CSMD2: variants seen among roughly 807,000 people sequenced by gnomAD.
The protein encoded by CSMD2 is CUB and sushi domain-containing protein 2.
CSMD2 carries 130 observed loss-of-function variants against 398.5 expected under a neutral mutation model. The ratio of observed to expected loss-of-function variants is 0.33; its 90% confidence interval spans 0.28 to 0.38. CSMD2 has a LOEUF of 0.38. Ranked by LOEUF, CSMD2 falls within the 10% of genes least tolerant of loss-of-function variation. The probability of loss-of-function intolerance (pLI) is 1.00; values close to 1 mark genes in which losing one functional copy is unlikely to be tolerated. For missense variants in CSMD2, 3,829 were observed against 4,764.9 expected, an observed-to-expected ratio of 0.80 and a Z score of 5.78; for synonymous variants, 1,828 against 1,908.5, an observed-to-expected ratio of 0.96 and a Z score of 1.10.
At chr1:33,615,240 C>T (rs1386016479) in intron 39 of CSMD2, among the ~76,000 whole-genome samples, 1 of 152,198 alleles carries the variant, frequency 6.6e-6, no homozygotes, top group South Asian at 2.1e-4. Context: ...ATATGCCAAT[C>T]AAGGTGAATT....
intron 1 of CSMD2, among the ~76,000 whole-genome samples, chr1:34,101,540 T>G (rs904344245): frequency 2.7e-4 from 41 of 152,320 alleles, no homozygotes; most frequent in African/African-American, 8.7e-4. Flanking sequence ...TTGCCAACCT[T>G]GTGTATTGTC....
intron 49 of CSMD2, among the ~76,000 whole-genome samples, chr1:33,573,186 A>G (rs115700393): frequency 0.012 from 1,781 of 152,264 alleles, 31 homozygotes; most frequent in African/African-American, 0.041. Flanking sequence ...CACATACTCA[A>G]CTCAACCTCT....
At chr1:33,812,732 T>A (rs1233388695) in intron 9 of CSMD2, among the ~76,000 whole-genome samples, 1 of 152,214 alleles carries the variant, frequency 6.6e-6, no homozygotes, top group African/African-American at 2.4e-5. Context: ...GATGAAATTA[T>A]ATGAGATGAT....
chr1:33,572,712 T>A, intron 49 of CSMD2, 21 bp from the exon 50 acceptor site: 1 of 1,576,438 alleles, frequency 6.3e-7, no homozygotes. Context: ...GAAAACAATG[T>A]CATGAGCATT....
intron 2 of CSMD2, among the ~76,000 whole-genome samples, chr1:34,065,772 C>T (rs1015233984): frequency 6.6e-6 from 1 of 152,168 alleles, no homozygotes; most frequent in African/African-American, 2.4e-5. Flanking sequence ...CATCTATATG[C>T]ACAACCTCTA....
At chr1:33,995,676 T>C (rs557382994) in intron 3 of CSMD2, among the ~76,000 whole-genome samples, 11 of 152,296 alleles carry the variant, frequency 7.2e-5, no homozygotes, top group African/African-American at 2.4e-4. Flanking sequence ...CATGAGTTTG[T>C]TCAAATTCAG....
At chr1:33,706,875 ATG>A (rs1364847636) in intron 22 of CSMD2, among the ~76,000 whole-genome samples, 2 of 139,684 alleles carry the variant, frequency 1.4e-5, no homozygotes, top group Non-Finnish European at 3.0e-5. Flanking sequence ...ATGTGTGTGC[ATG>A]TGTTTGTGTA....
intron 3 of CSMD2, among the ~76,000 whole-genome samples, chr1:34,012,602 C>T (rs74921575): frequency 0.013 from 1,932 of 152,062 alleles, 43 homozygotes; most frequent in African/African-American, 0.042. Context: ...CCACCACGCC[C>T]GGCTAATGTT....
intron 22 of CSMD2, among the ~76,000 whole-genome samples, chr1:33,701,026 G>A (rs609347): frequency 0.026 from 4,014 of 152,272 alleles, 165 homozygotes; most frequent in African/African-American, 0.091. Context: ...TGGGTTGCCT[G>A]CTTGTCAAAC....
intron 35 of CSMD2, 71 bp from the exon 36 acceptor site, chr1:33,623,537 C>G: frequency 9.5e-7 from 1 of 1,056,686 alleles, no homozygotes; most frequent in East Asian, 2.4e-5. Context: ...CTTTCCCTTT[C>G]TGCCCTTCCC....
At chr1:33,689,331 T>C (rs756711642) in intron 25 of CSMD2, among the ~76,000 whole-genome samples, 28 of 152,230 alleles carry the variant, frequency 1.8e-4, no homozygotes, top group Non-Finnish European at 1.0e-4. Context: ...GAGGTTGCTG[T>C]GGCTCCAAGA....
At chr1:33,815,853 A>AC (rs1313056081) in intron 9 of CSMD2, among the ~76,000 whole-genome samples, 3 of 152,244 alleles carry the variant, frequency 2.0e-5, no homozygotes, top group Non-Finnish European at 2.9e-5. Flanking sequence ...GTACTCTAGT[A>AC]CAATCAGTAT....
In CSMD2 at chr1:33,889,136, G is replaced by C. The variant is rs531297289; in HGVS notation, c.920+28958C>G. ...ATGCTGTGAGAGACAACAAAGTAAGGCTAAAAGACATGCTACTGATTGATA... is the reference window on the plus strand; with the variant it reads ...ATGCTGTGAGAGACAACAAAGTAAGCCTAAAAGACATGCTACTGATTGATA... On this transcript the variant is annotated intron_variant, in intron 5 of 70. Transcript: ENST00000373381. Among the ~76,000 whole-genome samples, 7 of 152,172 alleles carry C rather than the reference G, an allele frequency of 4.6e-5. No individual in the cohort carries two copies. In the East Asian group the frequency reaches 1.2e-3, roughly 25 times the overall value.
intron 5 of CSMD2, among the ~76,000 whole-genome samples, chr1:33,901,205 T>C (rs938440449): frequency 6.6e-6 from 1 of 152,250 alleles, no homozygotes; most frequent in Non-Finnish European, 1.5e-5. Context: ...AATATTTGCC[T>C]GTTTATTTAT....
intron 2 of CSMD2, among the ~76,000 whole-genome samples, chr1:34,085,724 C>T (rs1295922063): frequency 6.6e-6 from 1 of 152,070 alleles, no homozygotes; most frequent in African/African-American, 2.4e-5. Context: ...TGCTTAACTG[C>T]CTATTATTTA....
In CSMD2 at chr1:33,636,490, G is replaced by A. The variant is rs756329968; in HGVS notation, c.4839C>T (p.Asp1613=). The change falls in exon 30 of 71, where the codon GAC becomes GAT. Residue 1613 remains aspartate, a synonymous_variant. Coordinates refer to ENST00000373381, the MANE Select transcript of CSMD2 (RefSeq NM_001281956.2). The surrounding 1 kb of genome is among the most constrained non-coding windows in gnomAD (Gnocchi z 4.8). ...AGGTGACGGAGGAGCCCAGCTTCAGGTCGGACCCCACCCGTGTGCCGTTCT... is the reference window on the plus strand; with the variant it reads ...AGGTGACGGAGGAGCCCAGCTTCAGATCGGACCCCACCCGTGTGCCGTTCT... ...SIKNGTRVGS[D]LKLGSSVTYY... The A allele has an allele frequency of 3.3e-5, 53 of 1,614,104 alleles. No homozygotes were observed. Among genetic ancestry groups the A allele is most frequent in the Non-Finnish European group, 4.4e-5 (52 of 1,180,024 alleles).
chr1:33,619,703 G>A (rs1043201295), intron 37 of CSMD2, among the ~76,000 whole-genome samples: 1 of 152,102 alleles, frequency 6.6e-6, no homozygotes, highest in African/African-American at 2.4e-5. Context: ...ACTTTTCCCA[G>A]GCAATTCCTG....
chr1:33,910,226 G>A (rs1643373086), intron 5 of CSMD2, among the ~76,000 whole-genome samples: 1 of 152,116 alleles, frequency 6.6e-6, no homozygotes, highest in African/African-American at 2.4e-5. Context: ...TCTGGCTTAT[G>A]AACAAGGGGC....
intron 2 of CSMD2, among the ~76,000 whole-genome samples, chr1:34,041,142 C>T (rs964918503): frequency 2.0e-5 from 3 of 151,878 alleles, no homozygotes; most frequent in African/African-American, 7.3e-5. Flanking sequence ...AATAAATGGG[C>T]CATTTATTTA....
Sources: allele counts gnomAD v4.1 joint callset (sites outside exome capture counted in the v4.1 genomes callset), GRCh38; gene constraint gnomAD v4.1.1; non-coding constraint Gnocchi (gnomAD v3.1); transcripts MANE v1.5; gene names NCBI Gene and HGNC (gene_info 2026-07-23, HGNC 2026-07-21).